Variants in PALS2 observed in about 807,000 individuals in gnomAD.
The protein encoded by PALS2 is protein PALS2.
PALS2 carries 27 observed loss-of-function variants against 61.6 expected under a neutral mutation model. The observed-to-expected ratio is 0.44, with a 90% CI of 0.32 to 0.60. The LOEUF (loss-of-function observed/expected upper bound fraction) is 0.60. Among genes scored for constraint, PALS2 ranks in the 20% least tolerant of loss-of-function variants. The pLI is 0.05. For missense variants in PALS2, 554 were observed against 639.4 expected, an observed-to-expected ratio of 0.87 and a Z score of 1.44; for synonymous variants, 236 against 218.6, an observed-to-expected ratio of 1.08 and a Z score of -0.70.
At chr7:24,686,213 T>G (rs781111483) in intron 11 of PALS2, among the ~76,000 whole-genome samples, 17 of 152,124 alleles carry the variant, frequency 1.1e-4, no homozygotes, top group African/African-American at 3.9e-4. Context: ...CAAAATAAAT[T>G]TACAGTCTGG....
intron 5 of PALS2, among the ~76,000 whole-genome samples, chr7:24,660,056 A>G (rs749730723): frequency 2.0e-5 from 3 of 152,088 alleles, no homozygotes; most frequent in Non-Finnish European, 4.4e-5. Flanking sequence ...TGTTTCTTCC[A>G]TCTTTTAGGA....
At chr7:24,686,839 T>TC (rs1788231265) in intron 11 of PALS2, among the ~76,000 whole-genome samples, 1 of 152,170 alleles carries the variant, frequency 6.6e-6, no homozygotes, top group African/African-American at 2.4e-5. Flanking sequence ...GCTTATGTAC[T>TC]CCCCACATCA....
chr7:24,607,727 T>C (rs1562611244), intron 1 of PALS2, among the ~76,000 whole-genome samples: 1 of 151,874 alleles, frequency 6.6e-6, no homozygotes, highest in Non-Finnish European at 1.5e-5. Context: ...CCACACTAAT[T>C]ACAACTGCAG....
At chr7:24,649,871 C>A in intron 4 of PALS2, 107 bp downstream of exon 4, 1 of 1,096,760 alleles carries the variant, frequency 9.1e-7, no homozygotes, top group Non-Finnish European at 1.2e-6. Flanking sequence ...GTTATGAAAA[C>A]TGTATTCTTG....
At chr7:24,582,308 G>T (rs1782874974) in intron 1 of PALS2, among the ~76,000 whole-genome samples, 2 of 152,266 alleles carry the variant, frequency 1.3e-5, no homozygotes, top group Admixed American at 6.5e-5. Flanking sequence ...TGTAATAATG[G>T]CTTGCTAAGG....
At chr7:24,583,754 G>A (rs1782943615) in intron 1 of PALS2, among the ~76,000 whole-genome samples, 1 of 150,786 alleles carries the variant, frequency 6.6e-6, no homozygotes, top group African/African-American at 2.4e-5. Flanking sequence ...CTGGTGTGCT[G>A]CACCCACTAA....
intron 1 of PALS2, among the ~76,000 whole-genome samples, chr7:24,612,214 C>CT (rs1281070996): frequency 1.3e-5 from 2 of 151,890 alleles, no homozygotes; most frequent in Non-Finnish European, 2.9e-5. Flanking sequence ...GGTAGTCAAT[C>CT]TAACATATTT....
intron 2 of PALS2, among the ~76,000 whole-genome samples, chr7:24,639,673 C>CT (rs771109602): frequency 0.062 from 8,925 of 143,042 alleles, 295 homozygotes; most frequent in African/African-American, 0.083. Context: ...AGATTATTTT[C>CT]TTTTTTTTTT....
chr7:24,651,812 G>T (rs543288460), intron 5 of PALS2, among the ~76,000 whole-genome samples: 1 of 152,286 alleles, frequency 6.6e-6, no homozygotes, highest in East Asian at 1.9e-4. Flanking sequence ...TTGTTAAAAT[G>T]AGAGTTTAAA....
chr7:24,686,504 T>A (rs1788212051), intron 11 of PALS2, among the ~76,000 whole-genome samples: 1 of 152,228 alleles, frequency 6.6e-6, no homozygotes, highest in African/African-American at 2.4e-5. Context: ...ACCTCCTTAT[T>A]TTCATTTAGT....
rs528033972 is a variant in PALS2, at chr7:24,605,331, C to T, written c.-2-18335C>T. On this transcript the variant is annotated intron_variant, in intron 1 of 11. Transcript: ENST00000222644. ...AGAAACAACTGCCATGTTCCTCAGACGCTAAATAAACTACACTCATCCTAT... is the reference window on the plus strand; with the variant it reads ...AGAAACAACTGCCATGTTCCTCAGATGCTAAATAAACTACACTCATCCTAT... Among the ~76,000 whole-genome samples the T allele has an allele frequency of 3.9e-5, 6 of 152,004 alleles. No individual in the cohort carries two copies. The East Asian group carries it at 5.8e-4, about 15-fold the overall frequency.
intron 2 of PALS2, among the ~76,000 whole-genome samples, chr7:24,640,739 T>C (rs951645782): frequency 5.3e-5 from 8 of 152,214 alleles, no homozygotes; most frequent in Middle Eastern, 3.4e-3. Flanking sequence ...CCGAGGGCGG[T>C]GGCTCATGCC....
At chr7:24,615,385 TAAAATC>T (rs1219466699) in intron 1 of PALS2, among the ~76,000 whole-genome samples, 1 of 151,820 alleles carries the variant, frequency 6.6e-6, no homozygotes, top group East Asian at 1.9e-4. Flanking sequence ...CAAATCCAAA[TAAAATC>T]AGAAACAAAA....
At chr7:24,583,267 TA>T (rs201202002) in intron 1 of PALS2, among the ~76,000 whole-genome samples, 1 of 150,680 alleles carries the variant, frequency 6.6e-6, no homozygotes. Context: ...TGGAGGTCAG[TA>T]AAAAAAAATG....
intron 5 of PALS2, among the ~76,000 whole-genome samples, chr7:24,662,797 GAAA>G (rs763025595): frequency 0.054 from 5,695 of 106,252 alleles, 239 homozygotes; most frequent in African/African-American, 0.084. Flanking sequence ...AAAAAAAAAA[GAAA>G]GAAAGAAAGA....
At chr7:24,658,060 T>TTA (rs1177795193) in intron 5 of PALS2, among the ~76,000 whole-genome samples, 15 of 152,212 alleles carry the variant, frequency 9.9e-5, no homozygotes, top group Middle Eastern at 3.2e-3. Context: ...GTTACATGTA[T>TTA]ATTAGGCCCA....
intron 1 of PALS2, among the ~76,000 whole-genome samples, chr7:24,584,337 T>C (rs1281531045): frequency 7.6e-3 from 988 of 130,028 alleles, no homozygotes; most frequent in African/African-American, 0.012. Flanking sequence ...TTTCCTGACT[T>C]TTTAATGATT....
intron 2 of PALS2, among the ~76,000 whole-genome samples, chr7:24,632,956 A>G (rs1356129263): frequency 6.6e-6 from 1 of 152,150 alleles, no homozygotes; most frequent in African/African-American, 2.4e-5. Flanking sequence ...TTTGCAATCT[A>G]ATACACTTTC....
At chr7:24,608,598 AT>A (rs1784008563) in intron 1 of PALS2, among the ~76,000 whole-genome samples, 1 of 151,972 alleles carries the variant, frequency 6.6e-6, no homozygotes, top group Admixed American at 6.6e-5. Context: ...CTGCTGTTAC[AT>A]TTTAATTTTA....
Sources: gnomAD v4.1 joint callset for allele counts (sites outside exome capture counted in the v4.1 genomes callset) on GRCh38, gnomAD v4.1.1 for gene constraint, MANE v1.5 for transcripts, NCBI Gene and HGNC (gene_info 2026-07-23, HGNC 2026-07-21) for gene names.